TRPC4AP: variants seen among roughly 807,000 people sequenced by gnomAD.
TRPC4AP encodes the protein transient receptor potential cation channel subfamily C member 4 associated protein.
TRPC4AP carries 45 observed loss-of-function variants against 99.0 expected under a neutral mutation model. The observed-to-expected ratio is 0.45, with a 90% CI of 0.36 to 0.58. TRPC4AP has a LOEUF of 0.58. Ranked by LOEUF, TRPC4AP falls within the 20% of genes least tolerant of loss-of-function variation. The pLI is 0.00. For synonymous variants in TRPC4AP, 408 were observed against 385.8 expected (o/e 1.06, Z -0.67); for missense variants, 879 against 985.3 (o/e 0.89, Z 1.44).
chr20:35,011,462 A>G (rs892232399), intron 11 of TRPC4AP, among the ~76,000 whole-genome samples: 1 of 152,150 alleles, frequency 6.6e-6, no homozygotes, highest in Non-Finnish European at 1.5e-5. Context: ...CTTGAAATAC[A>G]TTCTGAGCTG....
Position 35,018,604 on chromosome 20 carries a change from G to GA in TRPC4AP, c.1219-2466dup, listed in dbSNP as rs11479211. Among the ~76,000 whole-genome samples, 832 of 88,922 alleles carry GA rather than the reference G, an allele frequency of 9.4e-3. 14 individuals are homozygous for GA. The highest frequency in any genetic ancestry group is 0.024 in the African/African-American group (575 of 23,794). 58.3% of individuals were successfully genotyped at this position (88,922 alleles called of 152,430 possible). Reference sequence around the variant, plus strand: ...GCAGAGCAAGACTGTCTCAAAAAAAGAAAAAAAAAAAAAAAAAAAAAAGAA... The same window carrying GA: ...GCAGAGCAAGACTGTCTCAAAAAAAGAAAAAAAAAAAAAAAAAAAAAAAGAA... On this transcript the variant is annotated intron_variant, in intron 9 of 18. Coordinates refer to ENST00000252015, the MANE Select transcript of TRPC4AP (RefSeq NM_015638.3).
At position 35,068,979 on chromosome 20, in the gene TRPC4AP, A is replaced by ACACACAC. The variant is rs879662183; in HGVS notation, c.414+316_414+317insGTGTGTG. Among the ~76,000 whole-genome samples the ACACACAC allele has an allele frequency of 2.0e-3, 140 of 70,490 alleles. 1 individual carries two copies. The highest frequency in any genetic ancestry group is 7.0e-3 in the African/African-American group (127 of 18,038). 46.2% of individuals were successfully genotyped at this position (70,490 alleles called of 152,430 possible). A position where few individuals can be genotyped will look rare whatever the true frequency, so the allele number is the denominator to read the frequency against. On this transcript the variant is annotated intron_variant, in intron 3 of 18. Transcript: ENST00000252015. Reference sequence around the variant, plus strand: ...CACACACACACACACACACACACACAAAAAAAACAAAACATCTTAAGCAGG... The same window carrying ACACACAC: ...CACACACACACACACACACACACACACACACACAAAAAAACAAAACATCTTAAGCAGG...
chr20:35,064,425 T>C (rs2084087156), intron 3 of TRPC4AP, among the ~76,000 whole-genome samples: 1 of 152,196 alleles, frequency 6.6e-6, no homozygotes. Context: ...AACAAATCTT[T>C]AGAAAGTAAT....
chr20:35,078,224 A>G (rs1256685319), intron 1 of TRPC4AP, 50 bp from the exon 2 acceptor site: 1 of 1,583,936 alleles, frequency 6.3e-7, no homozygotes, highest in Admixed American at 1.7e-5. Flanking sequence ...TGATGATAAT[A>G]GCTGATACGG....
intron 3 of TRPC4AP, among the ~76,000 whole-genome samples, chr20:35,060,187 T>C (rs1442636555): frequency 6.6e-6 from 1 of 152,038 alleles, no homozygotes; most frequent in Non-Finnish European, 1.5e-5. Flanking sequence ...ATTACCCTGA[T>C]ACCAAAACCA....
At chr20:35,021,056 G>C in intron 9 of TRPC4AP, 134 bp downstream of exon 9, 1 of 946,342 alleles carries the variant, frequency 1.1e-6, no homozygotes, top group South Asian at 1.7e-5. Flanking sequence ...AGAACAGAAG[G>C]AGAAATACCC....
intron 7 of TRPC4AP, among the ~76,000 whole-genome samples, chr20:35,039,893 T>C (rs979978292): frequency 4.0e-5 from 6 of 151,328 alleles, no homozygotes; most frequent in African/African-American, 1.2e-4. Flanking sequence ...GCTATCTTCC[T>C]GGGGCTCAGA....
At chr20:35,005,597 C>T in intron 16 of TRPC4AP, 98 bp downstream of exon 16, 1 of 1,183,912 alleles carries the variant, frequency 8.4e-7, no homozygotes, top group Non-Finnish European at 1.2e-6. Context: ...TCTGGTGCAG[C>T]TCCCTCAGTC....
At chr20:35,092,574 T>G in intron 1 of TRPC4AP, 40 bp downstream of exon 1, 54 of 1,018,768 alleles carry the variant, frequency 5.3e-5, no homozygotes, top group Non-Finnish European at 6.8e-5. Flanking sequence ...AGCTCCCGCC[T>G]GGTCCGCCCC....
intron 1 of TRPC4AP, among the ~76,000 whole-genome samples, chr20:35,088,481 C>G (rs1477331416): frequency 2.0e-5 from 3 of 152,176 alleles, no homozygotes; most frequent in Non-Finnish European, 4.4e-5. Context: ...TCTGCAGATA[C>G]AATGAAAAAT....
At chr20:35,021,071 G>T in intron 9 of TRPC4AP, 119 bp downstream of exon 9, 1 of 1,114,956 alleles carries the variant, frequency 9.0e-7, no homozygotes, top group Non-Finnish European at 1.3e-6. Context: ...ATACCCCTAT[G>T]CTTTGCCAGG....
intron 2 of TRPC4AP, among the ~76,000 whole-genome samples, chr20:35,071,894 CCCA>C (rs144127997): frequency 0.18 from 28,065 of 151,988 alleles, 2,651 homozygotes; most frequent in Middle Eastern, 0.34. Flanking sequence ...AGTTTACAGT[CCCA>C]CCAACAGTTT....
At position 35,007,605 on chromosome 20, in the gene TRPC4AP, C is replaced by T. The variant is rs1439682976; in HGVS notation, c.1631G>A (p.Arg544Gln). The T allele has an allele frequency of 3.1e-6, 5 of 1,614,102 alleles. No homozygotes were observed. Among genetic ancestry groups the T allele is most frequent in the Non-Finnish European group, 3.4e-6 (4 of 1,180,044 alleles). Reference protein sequence around the residue: ...WQARAVESFLRGTTSYADQMF... With the variant: ...WQARAVESFLQGTTSYADQMF... Reference sequence around the variant, plus strand: ...CTGGTCTGCATAGGAGGTGGTCCCTCGGAGGAAACTCTCCACAGCCCGAGC... The same window carrying T: ...CTGGTCTGCATAGGAGGTGGTCCCTTGGAGGAAACTCTCCACAGCCCGAGC... Residue 544 changes from arginine to glutamine, a missense_variant, in exon 14 of 19, where the codon CGA becomes CAA. Physicochemically the swap from Arg to Gln is conservative, Grantham distance 43. Coordinates refer to ENST00000252015, the MANE Select transcript of TRPC4AP (RefSeq NM_015638.3).
chr20:35,061,875 T>A (rs2084018278), intron 3 of TRPC4AP, among the ~76,000 whole-genome samples: 1 of 152,124 alleles, frequency 6.6e-6, no homozygotes, highest in Non-Finnish European at 1.5e-5. Flanking sequence ...AGACTTTGTG[T>A]TTCAAAGGAC....
rs114675684 is a variant in TRPC4AP, at chr20:35,024,977, T to C, written c.1052-3621A>G. On this transcript the variant is annotated intron_variant, in intron 8 of 18. Transcript: ENST00000252015. Reference sequence around the variant, plus strand: ...TGTGTAACATATATTTTCATTTCTCTTGGGTATATACCTGGGAGTAGGATT... The same window carrying C: ...TGTGTAACATATATTTTCATTTCTCCTGGGTATATACCTGGGAGTAGGATT... 8.9e-3 allele frequency among the ~76,000 whole-genome samples: 1,360 copies of C among 152,254 alleles called. 14 individuals are homozygous for C. Among genetic ancestry groups the C allele is most frequent in the African/African-American group, 0.031 (1,304 of 41,542 alleles).
intron 1 of TRPC4AP, 41 bp downstream of exon 1, chr20:35,092,573 C>T (rs1465654992): frequency 2.1e-6 from 3 of 1,431,500 alleles, no homozygotes; most frequent in African/African-American, 3.0e-5. Context: ...CAGCTCCCGC[C>T]TGGTCCGCCC....
chr20:35,073,003 C>G (rs2146000445), intron 2 of TRPC4AP, among the ~76,000 whole-genome samples: 1 of 152,264 alleles, frequency 6.6e-6, no homozygotes, highest in Non-Finnish European at 1.5e-5. Context: ...CTTCACATCC[C>G]TTGTGAGTTG....
intron 5 of TRPC4AP, among the ~76,000 whole-genome samples, chr20:35,051,741 C>A (rs184416578): frequency 6.6e-6 from 1 of 151,766 alleles, no homozygotes; most frequent in Non-Finnish European, 1.5e-5. Flanking sequence ...TCCAAAGAAA[C>A]AGAACAAAAA....
At chr20:35,067,189 C>T (rs1290257373) in intron 3 of TRPC4AP, among the ~76,000 whole-genome samples, 3 of 152,206 alleles carry the variant, frequency 2.0e-5, no homozygotes, top group Admixed American at 6.5e-5. Context: ...ACTAGAATGG[C>T]TGTAATCATT....
Sources: allele counts gnomAD v4.1 joint callset (sites outside exome capture counted in the v4.1 genomes callset), GRCh38; gene constraint gnomAD v4.1.1; transcripts MANE v1.5; gene names NCBI Gene and HGNC (gene_info 2026-07-23, HGNC 2026-07-21).